The following GABPB2 variants were observed in gnomAD, a reference collection of about 807,000 sequenced individuals.
The protein encoded by GABPB2 is GA binding protein transcription factor subunit beta 2, also known as GA-binding protein subunit beta-2.
GABPB2 carries 23 observed loss-of-function variants against 39.1 expected under a neutral mutation model. The observed-to-expected ratio is 0.59, with a 90% CI of 0.42 to 0.83. The LOEUF (loss-of-function observed/expected upper bound fraction) is 0.83, where lower values mean the gene tolerates loss of function less well. GABPB2 is among the 40% of genes least tolerant of loss of function. GABPB2 has a pLI of 0.00. For synonymous variants in GABPB2, 184 were observed against 199.3 expected, an observed-to-expected ratio of 0.92 and a Z score of 0.65; for missense variants, 467 against 541.1, an observed-to-expected ratio of 0.86 and a Z score of 1.36.
intron 6 of GABPB2, among the ~76,000 whole-genome samples, chr1:151,106,047 C>T (rs587681857): frequency 2.0e-4 from 30 of 151,140 alleles, no homozygotes; most frequent in Admixed American, 1.6e-3. Context: ...CTGCAACCTC[C>T]GCCTCCCAGG....
chr1:151,104,810 C>CTTTCTTTA (rs1679825439), intron 6 of GABPB2, among the ~76,000 whole-genome samples: 2 of 146,296 alleles, frequency 1.4e-5, no homozygotes, highest in African/African-American at 2.5e-5. Context: ...TCTTTTCTTT[C>CTTTCTTTA]TTTCCTTTCT....
chr1:151,103,687 A>G lies in GABPB2; in HGVS notation c.736+12A>G, dbSNP rs587773361. The G allele has an allele frequency of 1.3e-6, 2 of 1,547,058 alleles. No individual in the cohort carries two copies. The highest frequency in any genetic ancestry group is 1.7e-5 in the Admixed American group (1 of 59,666). Reference sequence around the variant, plus strand: ...ACACAGAGCCACAGGTAGGTAAGGGATATGCTGCTGGGTGAATCACCACTT... The same window carrying G: ...ACACAGAGCCACAGGTAGGTAAGGGGTATGCTGCTGGGTGAATCACCACTT... On this transcript the variant is annotated intron_variant, in intron 6 of 8. Coordinates refer to ENST00000368918, the MANE Select transcript of GABPB2 (RefSeq NM_144618.3).
intron 7 of GABPB2, among the ~76,000 whole-genome samples, chr1:151,114,664 C>T (rs906475398): frequency 2.6e-5 from 4 of 151,262 alleles, no homozygotes; most frequent in Non-Finnish European, 5.9e-5. Context: ...TGCCACTGTA[C>T]TCCACCTGGA....
chr1:151,106,889 C>T (rs1043007214), intron 6 of GABPB2, 148 bp from the exon 7 acceptor site: 2 of 520,220 alleles, frequency 3.8e-6, no homozygotes, highest in African/African-American at 1.9e-5. Flanking sequence ...TAGCATTGTT[C>T]ACAAAACCTT....
At position 151,090,558 on chromosome 1, in the gene GABPB2, G is replaced by C. The variant is rs1455462134; in HGVS notation, c.261G>C (p.Val87=). Residue 87 remains valine, a synonymous_variant, in exon 3 of 9, where the codon GTG becomes GTC. Transcript: ENST00000368918. ...MAAADGHAHI[V]ELLVRNGADV... The stretch of plus-strand genomic sequence containing the variant: ...CAGCCGATGGACATGCGCACATCGT[G>C]GAACTGCTTGTTCGGGTAAAGCAAG... The C allele has an allele frequency of 6.2e-7, 1 of 1,613,574 alleles. No homozygotes were observed. The highest frequency in any genetic ancestry group is 1.3e-5 in the African/African-American group (1 of 74,894).
chr1:151,118,253 T>A lies in GABPB2; in HGVS notation c.1344T>A (p.Ser448=), dbSNP rs946979164. The part of the protein sequence containing the change: ...HTRVSMATVS[S] The stretch of plus-strand genomic sequence containing the variant: ...GAGTTTCCATGGCAACTGTTTCATC[T>A]TAATATGCAAGGGCCACAATTTGCA... The change falls in exon 9 of 9, where the codon TCT becomes TCA. Residue 448 remains serine, a synonymous_variant. Coordinates refer to ENST00000368918, the MANE Select transcript of GABPB2 (RefSeq NM_144618.3). The A allele has an allele frequency of 1.2e-6, 2 of 1,611,080 alleles. No individual in the cohort carries two copies. Among genetic ancestry groups the A allele is most frequent in the Non-Finnish European group, 1.7e-6 (2 of 1,177,968 alleles).
chr1:151,072,978 C>G (rs587739088), intron 1 of GABPB2: 1 of 152,126 alleles, frequency 6.6e-6, no homozygotes, highest in South Asian at 2.1e-4. Context: ...GTACTTTATC[C>G]CATCCCCTAT....
chr1:151,082,547 C>G (rs1413182899), intron 1 of GABPB2, among the ~76,000 whole-genome samples: 3 of 150,690 alleles, frequency 2.0e-5, no homozygotes, highest in African/African-American at 7.3e-5. Flanking sequence ...GGACTACAGG[C>G]GCCCACCACC....
intron 6 of GABPB2, among the ~76,000 whole-genome samples, chr1:151,105,891 A>T (rs1398579758): frequency 1.3e-5 from 2 of 152,176 alleles, no homozygotes; most frequent in African/African-American, 4.8e-5. Context: ...TTCACATATT[A>T]TTCTGTGAAT....
chr1:151,106,896 C>A (rs1680011939), intron 6 of GABPB2, 141 bp from the exon 7 acceptor site: 1 of 525,950 alleles, frequency 1.9e-6, no homozygotes, highest in African/African-American at 1.9e-5. Flanking sequence ...GTTCACAAAA[C>A]CTTTTGCGAA....
Position 151,122,365 on chromosome 1 carries a change from A to G in GABPB2, c.*4109A>G, listed in dbSNP as rs1681214105. ...TGATGAAATTGTTCTATCTGCTGTC[A>G]AATAATCTTTTCCTGTTTGCAATGT... On this transcript the variant is annotated 3_prime_UTR_variant, in exon 9 of 9. Transcript: ENST00000368918. 1 of 152,202 alleles carries G rather than the reference A, an allele frequency of 6.6e-6. No individual in the cohort carries two copies. The allele number at this position is 152,202 out of a possible 1,614,324, so 9.4% of individuals were successfully genotyped here. A position where few individuals can be genotyped will look rare whatever the true frequency, so the allele number is the denominator to read the frequency against.
At chr1:151,072,392 A>G (rs1296608792) in intron 1 of GABPB2, among the ~76,000 whole-genome samples, 2 of 151,576 alleles carry the variant, frequency 1.3e-5, no homozygotes, top group African/African-American at 4.9e-5. Context: ...TACAGAGAAA[A>G]AAAAATTATT....
intron 6 of GABPB2, 135 bp downstream of exon 6, chr1:151,103,810 A>G: frequency 5.0e-6 from 3 of 605,034 alleles, no homozygotes; most frequent in Admixed American, 3.1e-5. Flanking sequence ...GGGATGTGGC[A>G]TCATTGAACA....
In GABPB2 at chr1:151,097,885, G is replaced by T; in HGVS notation, c.505G>T (p.Glu169Ter). Reference sequence around the variant, plus strand: ...GCAGAATCAGGTGAATGTTAATCCAGAGAGAGCCAACCCTGTGACTGACCC... The same window carrying T: ...GCAGAATCAGGTGAATGTTAATCCATAGAGAGCCAACCCTGTGACTGACCC... Reference protein sequence around the residue: ...AMQNQVNVNPERANPVTDPVS... With the variant: ...AMQNQVNVNP The change falls in exon 5 of 9, where the codon GAG becomes TAG. Residue 169 changes from glutamate (E) to a stop codon, truncating the protein, a stop_gained. Transcript: ENST00000368918. LOFTEE classifies it high-confidence loss of function. 9.9e-6 allele frequency: 16 copies of T among 1,614,118 alleles called. No individual in the cohort carries two copies. The highest frequency in any genetic ancestry group is 1.3e-5 in the Non-Finnish European group (15 of 1,180,002).
chr1:151,087,856 C>T (rs1678333926), intron 1 of GABPB2, among the ~76,000 whole-genome samples: 1 of 151,992 alleles, frequency 6.6e-6, no homozygotes, highest in Admixed American at 6.6e-5. Context: ...ATATTATGTT[C>T]CTTAAAATAA....
intron 1 of GABPB2, among the ~76,000 whole-genome samples, chr1:151,080,895 C>T (rs867806848): frequency 1.9e-3 from 273 of 142,134 alleles, no homozygotes; most frequent in African/African-American, 6.0e-3. Context: ...TTTTTTGAGA[C>T]GGAGTCTCGC....
At chr1:151,088,060 C>A (rs1678349302) in intron 1 of GABPB2, 130 bp from the exon 2 acceptor site, 11 of 631,596 alleles carry the variant, frequency 1.7e-5, no homozygotes, top group Admixed American at 2.8e-5. Flanking sequence ...AGGAAGTGAC[C>A]TACCAGACAG....
intron 1 of GABPB2, among the ~76,000 whole-genome samples, chr1:151,081,504 GAAAC>G (rs952553919): frequency 5.9e-5 from 9 of 151,870 alleles, no homozygotes; most frequent in African/African-American, 1.7e-4. Flanking sequence ...CCCCAAAAAA[GAAAC>G]AAAGAAACAA....
rs1681315767 is a variant in GABPB2, at chr1:151,124,802, C to T, written c.*6546C>T. 6.6e-6 allele frequency: 1 copy of T among 152,000 alleles called. No individual in the cohort carries two copies. The highest frequency in any genetic ancestry group is 2.1e-4 in the South Asian group (1 of 4,814). 9.4% of individuals were successfully genotyped at this position (152,000 alleles called of 1,614,324 possible). ...CTGAGTAGTACTATTATTTCCTATG[C>T]CAATTTTTTTTAAGTCTCTGATGCT... is the stretch of plus-strand genomic sequence containing the variant. On this transcript the variant is annotated 3_prime_UTR_variant, in exon 9 of 9. Transcript: ENST00000368918.
Sources: allele counts gnomAD v4.1 joint callset (sites outside exome capture counted in the v4.1 genomes callset), GRCh38; gene constraint gnomAD v4.1.1; transcripts MANE v1.5; gene names NCBI Gene and HGNC (gene_info 2026-07-23, HGNC 2026-07-21).